The following TMT1A variants were observed in gnomAD, a reference collection of about 807,000 sequenced individuals.
The protein encoded by TMT1A is thiol S-methyltransferase TMT1A.
chr12:50,929,760 G>T, the TMT1A span, among the ~76,000 whole-genome samples: 4 of 152,118 alleles, frequency 2.6e-5, no homozygotes. Context: ...CAGTCTCAAG[G>T]GTGTGCTTAG....
the TMT1A span, chr12:50,932,344 G>T: frequency 6.6e-6 from 1 of 152,176 alleles, no homozygotes; most frequent in Non-Finnish European, 1.5e-5. Flanking sequence ...ATCATCACAA[G>T]TGCCTCTGAA....
chr12:50,930,338 G>C, the TMT1A span: 2 of 524,426 alleles, frequency 3.8e-6, no homozygotes, highest in Non-Finnish European at 6.7e-6. Context: ...GGAGTGCAAT[G>C]ACGTGATCTC....
the TMT1A span, chr12:50,930,215 T>C: frequency 5.3e-5 from 71 of 1,336,608 alleles, no homozygotes; most frequent in Admixed American, 1.3e-3. Flanking sequence ...ACATTTAAAA[T>C]GCTAAGTGGG....
the TMT1A span, chr12:50,929,838 C>A: frequency 7.1e-7 from 1 of 1,412,614 alleles, no homozygotes; most frequent in Non-Finnish European, 9.7e-7. Context: ...TGCCAGAGAA[C>A]AATTTTCAAA....
chr12:50,929,565 T>C, the TMT1A span, among the ~76,000 whole-genome samples: 3 of 152,238 alleles, frequency 2.0e-5, no homozygotes, highest in African/African-American at 7.2e-5. Flanking sequence ...AACTCCTCAA[T>C]GAAAGCAGCA....
the TMT1A span, chr12:50,930,216 G>A: frequency 1.5e-6 from 2 of 1,324,600 alleles, no homozygotes; most frequent in South Asian, 1.5e-5. Flanking sequence ...CATTTAAAAT[G>A]CTAAGTGGGA....
the TMT1A span, chr12:50,930,165 T>C: frequency 1.7e-5 from 27 of 1,570,316 alleles, no homozygotes; most frequent in Non-Finnish European, 2.3e-5. Flanking sequence ...AGCTGGCAGT[T>C]AAGAGCTGAA....
chr12:50,928,631 C>T, the TMT1A span, among the ~76,000 whole-genome samples: 69 of 152,170 alleles, frequency 4.5e-4, no homozygotes, highest in Admixed American at 9.2e-4. Context: ...GAAGTTCTTC[C>T]GGGACCCTTC....
the TMT1A span, among the ~76,000 whole-genome samples, chr12:50,926,652 G>A: frequency 2.0e-5 from 3 of 152,164 alleles, no homozygotes; most frequent in Non-Finnish European, 4.4e-5. Context: ...AAGGGATAAT[G>A]TTTAATGAAA....
the TMT1A span, among the ~76,000 whole-genome samples, chr12:50,927,664 CT>C: frequency 6.6e-6 from 1 of 152,170 alleles, no homozygotes; most frequent in Non-Finnish European, 1.5e-5. Context: ...CCACTCTCTG[CT>C]GGATATAACA....
At chr12:50,931,103 T>C in the TMT1A span, 1 of 151,762 alleles carries the variant, frequency 6.6e-6, no homozygotes, top group African/African-American at 2.4e-5. Context: ...TTTTTTTTTT[T>C]TTTTTAAGGT....
chr12:50,927,112 T>C, the TMT1A span, among the ~76,000 whole-genome samples: 1 of 152,094 alleles, frequency 6.6e-6, no homozygotes, highest in African/African-American at 2.4e-5. Flanking sequence ...CTTGACCTGC[T>C]GGACTCAAGC....
chr12:50,930,005 T>C, the TMT1A span: 2 of 1,614,156 alleles, frequency 1.2e-6, no homozygotes, highest in Non-Finnish European at 1.7e-6. Flanking sequence ...GCCTGGCACC[T>C]TCTGTTTGAT....
the TMT1A span, among the ~76,000 whole-genome samples, chr12:50,928,109 G>A: frequency 1.3e-5 from 2 of 152,198 alleles, no homozygotes; most frequent in Non-Finnish European, 2.9e-5. Context: ...ACAGGTGTGA[G>A]CCACCGCGCC....
the TMT1A span, chr12:50,930,272 TGG>T: frequency 1.3e-6 from 1 of 754,926 alleles, no homozygotes; most frequent in Non-Finnish European, 2.0e-6. Context: ...GGTTTGTTGT[TGG>T]TTTTTTTTTT....
the TMT1A span, among the ~76,000 whole-genome samples, chr12:50,929,086 T>A: frequency 6.6e-6 from 1 of 150,740 alleles, no homozygotes. Flanking sequence ...AAAAAAAAAA[T>A]TAGCTGGGTG....
chr12:50,925,042 G>A, the TMT1A span: 1 of 1,613,762 alleles, frequency 6.2e-7, no homozygotes. Context: ...CTGAGCAATG[G>A]AGCTTACCAT....
the TMT1A span, chr12:50,931,429 G>A: frequency 6.6e-6 from 1 of 151,848 alleles, no homozygotes; most frequent in African/African-American, 2.4e-5. Context: ...GAGACAGGGG[G>A]CTGGGCGTGG....
At chr12:50,927,982 G>A in the TMT1A span, among the ~76,000 whole-genome samples, 20 of 152,084 alleles carry the variant, frequency 1.3e-4, no homozygotes, top group African/African-American at 2.4e-4. Flanking sequence ...ATGCTACCAC[G>A]CCTGGCTAAC....
Sources: gnomAD v4.1 joint callset for allele counts (sites outside exome capture counted in the v4.1 genomes callset) on GRCh38, gnomAD v4.1.1 for gene constraint, MANE v1.5 for transcripts, NCBI Gene and HGNC (gene_info 2026-07-23, HGNC 2026-07-21) for gene names.